The following DGLUCY variants were observed in gnomAD, a reference collection of about 807,000 sequenced individuals.
The protein encoded by DGLUCY is D-glutamate cyclase, mitochondrial.
Under a neutral mutation model 58.5 loss-of-function variants are expected in DGLUCY, and 58 were observed. The ratio of observed to expected loss-of-function variants is 0.99; its 90% CI spans 0.80 to 1.23. The LOEUF (loss-of-function observed/expected upper bound fraction) is 1.23. DGLUCY is among the 50% of genes most tolerant of loss of function. The probability of loss-of-function intolerance (pLI) is 0.00; values close to 1 mark genes in which losing one functional copy is unlikely to be tolerated. For missense variants in DGLUCY, 779 were observed against 784.7 expected (o/e 0.99, Z 0.09); for synonymous variants, 325 against 314.1 (o/e 1.03, Z -0.37).
chr14:91,148,104 G>A (rs919023511), intron 1 of DGLUCY, among the ~76,000 whole-genome samples: 5 of 152,094 alleles, frequency 3.3e-5, no homozygotes, highest in African/African-American at 4.8e-5. Flanking sequence ...AACTAAGTAG[G>A]TGGAGGTTAC....
chr14:91,120,890 T>C (rs1021687987), intron 1 of DGLUCY, among the ~76,000 whole-genome samples: 4 of 152,176 alleles, frequency 2.6e-5, no homozygotes, highest in African/African-American at 7.2e-5. Flanking sequence ...CTCTGAGGGA[T>C]GTTCTTCTTC....
chr14:91,161,064 C>T (rs1230750251), intron 3 of DGLUCY, among the ~76,000 whole-genome samples: 1 of 152,164 alleles, frequency 6.6e-6, no homozygotes, highest in Non-Finnish European at 1.5e-5. Flanking sequence ...TATAACAAGG[C>T]ACTCTTTTTT....
Position 91,170,051 on chromosome 14 carries a change from C to G in DGLUCY, c.306C>G (p.Gly102=). 6.2e-7 allele frequency: 1 copy of G among 1,612,188 alleles called. No individual in the cohort carries two copies. Among genetic ancestry groups the G allele is most frequent in the Non-Finnish European group, 8.5e-7 (1 of 1,179,980 alleles). Residue 102 remains glycine (G), a synonymous_variant, in exon 5 of 14, where the codon GGC becomes GGG. Coordinates refer to ENST00000256324, the MANE Select transcript of DGLUCY (RefSeq NM_001102368.3). ...AATACGAGTTCGGTGCCTGCACCGG[C>G]AGCCTGGCTTCGCTGGAGCAGTACT... ...FWKYEFGACT[G]SLASLEQYSE...
At chr14:91,124,185 CAA>C (rs2045551581) in intron 1 of DGLUCY, among the ~76,000 whole-genome samples, 2 of 152,124 alleles carry the variant, frequency 1.3e-5, no homozygotes, top group Admixed American at 6.6e-5. Context: ...CTCGGCCTCC[CAA>C]AGTGCTGGGA....
chr14:91,138,406 G>A (rs1167177810), intron 1 of DGLUCY, among the ~76,000 whole-genome samples: 4 of 152,270 alleles, frequency 2.6e-5, no homozygotes, highest in East Asian at 3.9e-4. Context: ...CAGGAGAATC[G>A]CTTGAACCCA....
At chr14:91,087,402 CT>C in intron 1 of DGLUCY, among the ~76,000 whole-genome samples, 1 of 152,314 alleles carries the variant, frequency 6.6e-6, no homozygotes, top group East Asian at 1.9e-4. Context: ...ATAGTAACTT[CT>C]CTTAGAAGCA....
chr14:91,078,614 A>G (rs950629734), intron 1 of DGLUCY, among the ~76,000 whole-genome samples: 6 of 152,170 alleles, frequency 3.9e-5, no homozygotes, highest in African/African-American at 1.4e-4. Flanking sequence ...TTAAAGTAGC[A>G]GTTGTTAGAA....
chr14:91,172,201 G>C (rs1044305817), intron 5 of DGLUCY, among the ~76,000 whole-genome samples: 19 of 152,256 alleles, frequency 1.2e-4, no homozygotes, highest in Admixed American at 1.2e-3. Flanking sequence ...CTCCCGAGTA[G>C]CTGGGACCAT....
At position 91,204,796 on chromosome 14, in the gene DGLUCY, A is replaced by C; in HGVS notation, c.1535A>C (p.Asp512Ala). The change falls in exon 12 of 14, where the codon GAC (aspartate) becomes GCC (alanine). Residue 512 changes from aspartate (D) to alanine (A), a missense_variant. Transcript: ENST00000256324. ...HIRHGDVIAC[D>A]VEADFAVIAG... is the part of the protein sequence containing the mutation. ...CGGCACGGGGATGTCATCGCCTGCG[A>C]CGTGGAGGCTGACTTTGCCGTCATT... 6.2e-7 allele frequency: 1 copy of C among 1,614,086 alleles called. No individual in the cohort carries two copies. The highest frequency in any genetic ancestry group is 8.5e-7 in the Non-Finnish European group (1 of 1,179,986).
intron 7 of DGLUCY, among the ~76,000 whole-genome samples, chr14:91,177,763 G>A (rs1206163181): frequency 6.6e-6 from 1 of 152,228 alleles, no homozygotes; most frequent in Non-Finnish European, 1.5e-5. Context: ...CATCCCTAAT[G>A]TGGTGATGAG....
intron 1 of DGLUCY, among the ~76,000 whole-genome samples, chr14:91,153,720 G>C (rs1345647456): frequency 6.6e-6 from 1 of 152,202 alleles, no homozygotes; most frequent in East Asian, 1.9e-4. Context: ...GGCCCATGAA[G>C]GATGAAGGCA....
chr14:91,146,442 T>C (rs1402846116), intron 1 of DGLUCY, among the ~76,000 whole-genome samples: 1 of 152,208 alleles, frequency 6.6e-6, no homozygotes, highest in Non-Finnish European at 1.5e-5. Flanking sequence ...AGGTCCTTCC[T>C]CGGGGCATCT....
chr14:91,064,736 G>A (rs1427451351), intron 1 of DGLUCY, among the ~76,000 whole-genome samples: 3 of 151,808 alleles, frequency 2.0e-5, no homozygotes, highest in African/African-American at 4.8e-5. Flanking sequence ...ATTTCCAGAA[G>A]AAGGGAATGG....
chr14:91,215,830 A>C, intron 13 of DGLUCY: 1 of 1,111,632 alleles, frequency 9.0e-7, no homozygotes. Context: ...CATTTTCTTC[A>C]TCTGTAAAAT....
intron 1 of DGLUCY, among the ~76,000 whole-genome samples, chr14:91,153,772 T>G (rs1228093876): frequency 2.0e-5 from 3 of 152,190 alleles, no homozygotes; most frequent in African/African-American, 7.2e-5. Context: ...AACCCAAAAG[T>G]ATCTAAGACA....
rs1888029628 is a variant in DGLUCY, at chr14:91,225,213, A to G, written c.*380A>G. The G allele has an allele frequency of 6.2e-6, 1 of 161,222 alleles. No homozygotes were observed. The highest frequency in any genetic ancestry group is 1.3e-5 in the Non-Finnish European group (1 of 74,478). The allele number at this position is 161,222 out of a possible 1,614,324, so 10.0% of individuals were successfully genotyped here. A position where few individuals can be genotyped will look rare whatever the true frequency, so the allele number is the denominator to read the frequency against. ...GCATGAGAACAAACATTCCCAGGCC[A>G]TGTAGGATAGGATACTCCAGACTCC... On this transcript the variant is annotated 3_prime_UTR_variant, in exon 14 of 14. Coordinates refer to ENST00000256324, the MANE Select transcript of DGLUCY (RefSeq NM_001102368.3).
intron 13 of DGLUCY, among the ~76,000 whole-genome samples, chr14:91,218,316 A>C (rs1490375455): frequency 1.3e-5 from 2 of 152,196 alleles, no homozygotes; most frequent in African/African-American, 4.8e-5. Context: ...CCCAACACAC[A>C]GATGGAAGCT....
chr14:91,065,428 G>C (rs1269131565), intron 1 of DGLUCY, among the ~76,000 whole-genome samples: 2 of 152,210 alleles, frequency 1.3e-5, no homozygotes, highest in African/African-American at 4.8e-5. Flanking sequence ...ATAGGATGGA[G>C]TCCAAGGAGT....
At chr14:91,145,013 A>G (rs2046937484) in intron 1 of DGLUCY, among the ~76,000 whole-genome samples, 1 of 152,098 alleles carries the variant, frequency 6.6e-6, no homozygotes, top group African/African-American at 2.4e-5. Context: ...AATTCAGGAA[A>G]TGAGCCTGTT....
Sources: gnomAD v4.1 joint callset for allele counts (sites outside exome capture counted in the v4.1 genomes callset) on GRCh38, gnomAD v4.1.1 for gene constraint, MANE v1.5 for transcripts, NCBI Gene and HGNC (gene_info 2026-07-23, HGNC 2026-07-21) for gene names.